The following ZSWIM4 variants were observed in gnomAD, a reference collection of about 807,000 sequenced individuals.
ZSWIM4 encodes zinc finger SWIM-type containing 4.
A neutral mutation model predicts 102.5 loss-of-function variants in ZSWIM4; 62 were observed. The ratio of observed to expected loss-of-function variants is 0.60; its 90% CI spans 0.49 to 0.75. The LOEUF (loss-of-function observed/expected upper bound fraction) is 0.75. Ranked by LOEUF, ZSWIM4 falls within the 30% of genes least tolerant of loss-of-function variation. ZSWIM4 has a pLI of 0.00. For synonymous variants in ZSWIM4, 652 were observed against 674.5 expected, an observed-to-expected ratio of 0.97 and a Z score of 0.52; for missense variants, 1,280 against 1,529.6, an observed-to-expected ratio of 0.84 and a Z score of 2.72.
chr19:13,817,083 A>G, intron 7 of ZSWIM4, 133 bp from the exon 8 acceptor site: 1 of 1,292,590 alleles, frequency 7.7e-7, no homozygotes, highest in Non-Finnish European at 1.0e-6. Flanking sequence ...AAAAAGTTGA[A>G]GGTGACCATT....
chr19:13,827,585 C>T (rs1186725572), intron 12 of ZSWIM4, among the ~76,000 whole-genome samples: 1 of 124,082 alleles, frequency 8.1e-6, no homozygotes, highest in African/African-American at 3.6e-5. Context: ...AGAGTGAGAC[C>T]CTCAAAAAAA....
At position 13,799,855 on chromosome 19, in the gene ZSWIM4, CG is replaced by C; in HGVS notation, c.292del (p.Val98CysfsTer25). On this transcript the variant is annotated frameshift_variant, in exon 2 of 14. Transcript: ENST00000590508. LOFTEE classifies it high-confidence loss of function. ...YPPPEGEHDA[R>X]VPFTRGLHLL... ...GCCCCCAGAGGGCGAGCACGATGCC[CG>C]GGTGCCCTTTACCCGCGGGCTGCAC... is the stretch of plus-strand genomic sequence containing the variant. 6.2e-7 allele frequency: 1 copy of C among 1,613,668 alleles called. No homozygotes were observed. Among genetic ancestry groups the C allele is most frequent in the East Asian group, 2.2e-5 (1 of 44,880 alleles).
intron 2 of ZSWIM4, among the ~76,000 whole-genome samples, chr19:13,802,716 C>T (rs893752816): frequency 1.2e-4 from 18 of 152,004 alleles, no homozygotes; most frequent in Admixed American, 9.8e-4. Context: ...GTAGTTGGTA[C>T]CACAGGCGCA....
At chr19:13,797,038 AG>A (rs1568323576) in intron 1 of ZSWIM4, 1 of 152,318 alleles carries the variant, frequency 6.6e-6, no homozygotes. Flanking sequence ...GTAGGGGCTA[AG>A]GAGGGCCCCT....
At chr19:13,826,306 T>A (rs1040485601) in intron 12 of ZSWIM4, among the ~76,000 whole-genome samples, 1 of 151,088 alleles carries the variant, frequency 6.6e-6, no homozygotes, top group African/African-American at 2.4e-5. Flanking sequence ...CATGGGTGGG[T>A]GAGTTTGAAG....
Position 13,825,367 on chromosome 19 carries a change from A to G in ZSWIM4, c.2216-183A>G, listed in dbSNP as rs138733154. On this transcript the variant is annotated intron_variant, in intron 11 of 13. Coordinates refer to ENST00000590508, the MANE Select transcript of ZSWIM4 (RefSeq NM_001367834.3). The surrounding 1 kb of genome is among the most constrained non-coding windows in gnomAD (Gnocchi z 4.6). Reference sequence around the variant, plus strand: ...GTAACAGGAAAGGGCCAGAGAGGAGATAATTGGCAAGGGCTAGGGGCACTG... The same window carrying G: ...GTAACAGGAAAGGGCCAGAGAGGAGGTAATTGGCAAGGGCTAGGGGCACTG... Among the ~76,000 whole-genome samples the G allele has an allele frequency of 3.1e-3, 475 of 151,988 alleles. 4 individuals carry two copies. The highest frequency in any genetic ancestry group is 6.8e-3 in the Middle Eastern group (2 of 294).
At position 13,831,060 on chromosome 19, in the gene ZSWIM4, G is replaced by A. The variant is rs748985554; in HGVS notation, c.*10G>A. On this transcript the variant is annotated 3_prime_UTR_variant, in exon 14 of 14. Coordinates refer to ENST00000590508, the MANE Select transcript of ZSWIM4 (RefSeq NM_001367834.3). ...GGAGCGTTTTGGTTGAGGGACAGTG[G>A]GGTGCGTGGGAGTGGGGATCCCCCT... The A allele has an allele frequency of 1.9e-6, 3 of 1,557,346 alleles. No homozygotes were observed. In the East Asian group the frequency reaches 6.8e-5, roughly 35 times the overall value.
chr19:13,803,217 C>A (rs1025861244), intron 2 of ZSWIM4, among the ~76,000 whole-genome samples: 15 of 152,322 alleles, frequency 9.8e-5, no homozygotes, highest in African/African-American at 3.6e-4. Flanking sequence ...TATGAGGAAG[C>A]CATCTCCCTG....
Position 13,830,825 on chromosome 19 carries a change from C to A in ZSWIM4, c.3096C>A (p.Leu1032=). ...LGADRAPLCQ[L]LDAAVTAYIT... is the part of the protein sequence containing the mutation. The stretch of plus-strand genomic sequence containing the variant: ...CCGACCGGGCGCCGCTCTGCCAGCT[C>A]CTGGACGCGGCAGTCACCGCCTACA... The change falls in exon 14 of 14, where the codon CTC becomes CTA. Residue 1032 remains leucine (L), a synonymous_variant. Coordinates refer to ENST00000590508, the MANE Select transcript of ZSWIM4 (RefSeq NM_001367834.3). 6.2e-7 allele frequency: 1 copy of A among 1,608,176 alleles called. No individual in the cohort carries two copies. The highest frequency in any genetic ancestry group is 8.5e-7 in the Non-Finnish European group (1 of 1,176,132).
chr19:13,813,512 G>A lies in ZSWIM4; in HGVS notation c.1180+348G>A, dbSNP rs767502796. Among the ~76,000 whole-genome samples the A allele has an allele frequency of 5.3e-5, 8 of 152,046 alleles. No individual in the cohort carries two copies. In the South Asian group the frequency reaches 1.7e-3, roughly 32 times the overall value. ...ACAGAAGGGGAAAGTGAGATATTGA[G>A]GAGAGAGAAACAAGTGAAGAGAGGC... On this transcript the variant is annotated intron_variant, in intron 6 of 13. Transcript: ENST00000590508.
chr19:13,795,791 C>T lies in ZSWIM4; in HGVS notation c.143C>T (p.Ala48Val). ...GCCAAGCGGGTAGCCGAGAGCTGGG[C>T]CTTCGAGCAGGTGACCGCGGGGGAA... Reference protein sequence around the residue: ...LSAKRVAESWAFEQVEERFSR... With the variant: ...LSAKRVAESWVFEQVEERFSR... Residue 48 changes from alanine (A) to valine (V), a missense_variant, in exon 1 of 14, where the codon GCC becomes GTC. By Grantham distance (64) the Ala-to-Val change is moderately conservative (BLOSUM62 0). Transcript: ENST00000590508. 1 of 1,251,884 alleles carries T rather than the reference C, an allele frequency of 8.0e-7. No individual in the cohort carries two copies. Among genetic ancestry groups the T allele is most frequent in the South Asian group, 3.7e-5 (1 of 27,066 alleles). 77.5% of individuals were successfully genotyped at this position (1,251,884 alleles called of 1,614,324 possible).
intron 5 of ZSWIM4, among the ~76,000 whole-genome samples, chr19:13,812,458 CTT>C (rs1169781960): frequency 1.4e-4 from 16 of 117,386 alleles, no homozygotes; most frequent in Non-Finnish European, 1.4e-4. Context: ...GTAATCCCAA[CTT>C]TTTTTTTTTT....
chr19:13,830,378 C>A lies in ZSWIM4; in HGVS notation c.2649C>A (p.Asp883Glu). The A allele has an allele frequency of 6.2e-7, 1 of 1,612,962 alleles. No homozygotes were observed. Among genetic ancestry groups the A allele is most frequent in the Non-Finnish European group, 8.5e-7 (1 of 1,179,984 alleles). ...TGGCCTTGCAGTGCGCGATGAAGGA[C>A]CCTCAGAACTGCGCCTTGCCTGCCC... ...RTLALQCAMK[D>E]PQNCALPALT... Residue 883 changes from aspartate (D) to glutamate (E), a missense_variant, in exon 14 of 14, where the codon GAC becomes GAA. Physicochemically the swap from Asp to Glu is conservative, Grantham distance 45. Coordinates refer to ENST00000590508, the MANE Select transcript of ZSWIM4 (RefSeq NM_001367834.3).
Position 13,817,943 on chromosome 19 carries a change from G to T in ZSWIM4, c.1891G>T (p.Val631Leu). 1 of 1,534,298 alleles carries T rather than the reference G, an allele frequency of 6.5e-7. No individual in the cohort carries two copies. The highest frequency in any genetic ancestry group is 8.8e-7 in the Non-Finnish European group (1 of 1,138,564). Reference sequence around the variant, plus strand: ...GGAGTTGGATGAGCGGTTGGTGCAGGTGCTGCGCAAGCAGGCGGGGCTGCT... The same window carrying T: ...GGAGTTGGATGAGCGGTTGGTGCAGTTGCTGCGCAAGCAGGCGGGGCTGCT... ...EVELDERLVQ[V>L]LRKQAGLLLE... is the part of the protein sequence containing the mutation. The change falls in exon 9 of 14, where the codon GTG becomes TTG. Residue 631 changes from valine to leucine, a missense_variant. By Grantham distance (32) the Val-to-Leu change is conservative. Coordinates refer to ENST00000590508, the MANE Select transcript of ZSWIM4 (RefSeq NM_001367834.3).
Position 13,795,709 on chromosome 19 carries a change from G to GC in ZSWIM4, c.63dup (p.Gly22ArgfsTer40). 1 of 1,188,100 alleles carries GC rather than the reference G, an allele frequency of 8.4e-7. No homozygotes were observed. The highest frequency in any genetic ancestry group is 1.0e-6 in the Non-Finnish European group (1 of 953,500). 73.6% of individuals were successfully genotyped at this position (1,188,100 alleles called of 1,614,324 possible). ...CCCCGCGGGACCCGAGGAGCGCGAT[G>GC]CCGGGGCCGGGGCCGCGCGTGGCCG... On this transcript the variant is annotated frameshift_variant, in exon 1 of 14. Coordinates refer to ENST00000590508, the MANE Select transcript of ZSWIM4 (RefSeq NM_001367834.3). LOFTEE classifies it high-confidence loss of function.
rs968793911 is a variant in ZSWIM4, at chr19:13,825,890, C to T, written c.2379+177C>T. Among the ~76,000 whole-genome samples, 2 of 152,188 alleles carry T rather than the reference C, an allele frequency of 1.3e-5. No homozygotes were observed. The highest frequency in any genetic ancestry group is 6.5e-5 in the Admixed American group (1 of 15,282). On this transcript the variant is annotated intron_variant, in intron 12 of 13. Transcript: ENST00000590508. The surrounding 1 kb of genome is among the most constrained non-coding windows in gnomAD (Gnocchi z 4.6). ...GCGAGAACCACTCTTGGGGCGGGGA[C>T]TGTGAGTGAGACACACCTCTGGGGG... is the stretch of plus-strand genomic sequence containing the variant.
intron 7 of ZSWIM4, 113 bp from the exon 8 acceptor site, chr19:13,817,103 G>A: frequency 7.1e-7 from 1 of 1,409,886 alleles, no homozygotes; most frequent in Admixed American, 2.3e-5. Context: ...TGGGTGAGCA[G>A]GTGGTGGGCA....
At chr19:13,827,010 C>T (rs1410489279) in intron 12 of ZSWIM4, among the ~76,000 whole-genome samples, 2 of 152,074 alleles carry the variant, frequency 1.3e-5, no homozygotes, top group East Asian at 3.9e-4. Context: ...TAGGGCCGGG[C>T]ACAGTGCCTC....
intron 2 of ZSWIM4, 149 bp from the exon 3 acceptor site, chr19:13,804,642 GT>G: frequency 1.5e-6 from 1 of 657,008 alleles, no homozygotes; most frequent in South Asian, 2.0e-5. Context: ...GCGAGATTTT[GT>G]TTCAAAAAAA....
Sources: allele counts gnomAD v4.1 joint callset (sites outside exome capture counted in the v4.1 genomes callset), GRCh38; gene constraint gnomAD v4.1.1; non-coding constraint Gnocchi (gnomAD v3.1); transcripts MANE v1.5; gene names NCBI Gene and HGNC (gene_info 2026-07-23, HGNC 2026-07-21).